The following MARCHF11 variants were observed in gnomAD, a reference collection of about 807,000 sequenced individuals.
MARCHF11 encodes the protein E3 ubiquitin-protein ligase MARCHF11.
MARCHF11 carries 29 observed loss-of-function variants against 37.3 expected under a neutral mutation model. The ratio of observed to expected loss-of-function variants is 0.78; its 90% confidence interval spans 0.58 to 1.06. The LOEUF is 1.06. MARCHF11 is among the 50% of genes least tolerant of loss of function. MARCHF11 has a pLI of 0.00. For synonymous variants in MARCHF11, 233 were observed against 228.0 expected, an observed-to-expected ratio of 1.02 and a Z score of -0.20; for missense variants, 482 against 533.4, an observed-to-expected ratio of 0.90 and a Z score of 0.95.
At position 16,179,532 on chromosome 5, in the gene MARCHF11, G is replaced by T. The variant is rs1044676633; in HGVS notation, c.44C>A (p.Ala15Glu). The T allele has an allele frequency of 5.1e-6, 6 of 1,179,976 alleles. No individual in the cohort carries two copies. The Admixed American group carries it at 2.3e-4, about 45-fold the overall frequency. 73.1% of individuals were successfully genotyped at this position (1,179,976 alleles called of 1,614,324 possible). Residue 15 changes from alanine to glutamate, a missense_variant, in exon 1 of 4, where the codon GCG becomes GAG. Physicochemically the swap from Ala to Glu is moderately radical, Grantham distance 107. Transcript: ENST00000332432. Reference protein sequence around the residue: ...GGHGGSRCRGAESGDAEPPPQ... With the variant: ...GGHGGSRCRGEESGDAEPPPQ... ...GGGAGGCTCGGCGTCCCCGCTCTCC[G>T]CCCCGCGACACCGACTGCCGCCGTG...
chr5:16,134,998 T>TCTCTCTCACA (rs137865822), intron 2 of MARCHF11, among the ~76,000 whole-genome samples: 81 of 143,800 alleles, frequency 5.6e-4, no homozygotes, highest in African/African-American at 1.7e-3. Flanking sequence ...TCTCTCTCTC[T>TCTCTCTCACA]CACACACACA....
chr5:16,126,501 C>G (rs1737409871), intron 2 of MARCHF11, among the ~76,000 whole-genome samples: 2 of 152,114 alleles, frequency 1.3e-5, no homozygotes, highest in Non-Finnish European at 2.9e-5. Flanking sequence ...CTGCAAAGCC[C>G]CGATTTAATA....
chr5:16,117,257 A>G (rs968697910), intron 2 of MARCHF11, among the ~76,000 whole-genome samples: 1 of 152,214 alleles, frequency 6.6e-6, no homozygotes, highest in Non-Finnish European at 1.5e-5. Context: ...CGATACAGAG[A>G]TAAATAAAAT....
intron 2 of MARCHF11, among the ~76,000 whole-genome samples, chr5:16,138,956 G>A (rs978966116): frequency 6.6e-6 from 1 of 152,156 alleles, no homozygotes; most frequent in Non-Finnish European, 1.5e-5. Flanking sequence ...GATTTTACAG[G>A]CTCATAGGCA....
intron 2 of MARCHF11, among the ~76,000 whole-genome samples, chr5:16,163,195 C>A (rs1328350700): frequency 7.8e-4 from 2 of 2,566 alleles, no homozygotes; most frequent in East Asian, 0.14. Context: ...GCAATAAGAA[C>A]TCCGGTTTAC....
chr5:16,171,463 C>T (rs1427525986), intron 2 of MARCHF11, among the ~76,000 whole-genome samples: 1 of 152,038 alleles, frequency 6.6e-6, no homozygotes, highest in Non-Finnish European at 1.5e-5. Context: ...AGCTCGCTAC[C>T]TGTTTTTGTG....
intron 2 of MARCHF11, among the ~76,000 whole-genome samples, chr5:16,147,810 A>G (rs990647495): frequency 5.1e-4 from 77 of 152,264 alleles, no homozygotes; most frequent in African/African-American, 1.7e-3. Context: ...ATTTGGGTCC[A>G]TTGCCTAAGT....
intron 2 of MARCHF11, among the ~76,000 whole-genome samples, chr5:16,125,889 A>C (rs1260050864): frequency 6.6e-6 from 1 of 152,176 alleles, no homozygotes; most frequent in African/African-American, 2.4e-5. Context: ...TTTTATCCAT[A>C]AGAAAGGCAC....
chr5:16,116,814 T>C (rs1442176929), intron 2 of MARCHF11, among the ~76,000 whole-genome samples: 1 of 152,204 alleles, frequency 6.6e-6, no homozygotes, highest in African/African-American at 2.4e-5. Context: ...ATGAACAGCA[T>C]CTTTATAATA....
intron 2 of MARCHF11, among the ~76,000 whole-genome samples, chr5:16,092,638 G>T (rs906776512): frequency 5.9e-5 from 9 of 152,014 alleles, no homozygotes; most frequent in African/African-American, 2.2e-4. Flanking sequence ...ATGCCTGAGG[G>T]GCTTAAAACC....
intron 2 of MARCHF11, among the ~76,000 whole-genome samples, chr5:16,103,158 G>T (rs1736987836): frequency 6.6e-6 from 1 of 150,776 alleles, no homozygotes; most frequent in African/African-American, 2.4e-5. Context: ...TCACAATACA[G>T]CTTGGTATGC....
intron 2 of MARCHF11, among the ~76,000 whole-genome samples, chr5:16,106,416 C>T (rs1056764040): frequency 6.6e-6 from 1 of 152,166 alleles, no homozygotes; most frequent in African/African-American, 2.4e-5. Context: ...TATCTGCTTC[C>T]CTGACCATAC....
At chr5:16,137,241 G>A (rs1263155690) in intron 2 of MARCHF11, among the ~76,000 whole-genome samples, 1 of 152,132 alleles carries the variant, frequency 6.6e-6, no homozygotes, top group Non-Finnish European at 1.5e-5. Flanking sequence ...ATCCCCATGT[G>A]TCATGGCAGG....
At position 16,152,957 on chromosome 5, in the gene MARCHF11, A is replaced by G. The variant is rs73044675; in HGVS notation, c.693+24769T>C. On this transcript the variant is annotated intron_variant, in intron 2 of 3. Transcript: ENST00000332432. ...AACACACACATTTTAAGAGCAATAA[A>G]TCATTCACTTCAACTTCCCTTATTG... 8.5e-3 allele frequency among the ~76,000 whole-genome samples: 1,289 copies of G among 152,110 alleles called. 24 individuals are homozygous for G. The highest frequency in any genetic ancestry group is 0.029 in the African/African-American group (1,214 of 41,542).
chr5:16,087,744 A>G (rs1736722253), intron 3 of MARCHF11, among the ~76,000 whole-genome samples: 2 of 152,206 alleles, frequency 1.3e-5, no homozygotes, highest in Admixed American at 6.5e-5. Context: ...AAATATTGGG[A>G]AAGAAGAAAC....
At chr5:16,112,813 T>C (rs905590168) in intron 2 of MARCHF11, among the ~76,000 whole-genome samples, 1 of 152,134 alleles carries the variant, frequency 6.6e-6, no homozygotes, top group Non-Finnish European at 1.5e-5. Context: ...AAGGACTTGG[T>C]GGGAGATAAC....
chr5:16,114,172 T>C (rs1737194499), intron 2 of MARCHF11, among the ~76,000 whole-genome samples: 1 of 152,238 alleles, frequency 6.6e-6, no homozygotes, highest in Non-Finnish European at 1.5e-5. Context: ...TATTCATCTG[T>C]TTACAGACAC....
intron 2 of MARCHF11, among the ~76,000 whole-genome samples, chr5:16,125,089 T>C (rs961016973): frequency 3.3e-5 from 5 of 151,526 alleles, no homozygotes; most frequent in African/African-American, 1.2e-4. Flanking sequence ...AAGAATATTT[T>C]TCAGACTCTT....
Position 16,102,305 on chromosome 5 carries a change from C to T in MARCHF11, c.694-11224G>A, listed in dbSNP as rs144213343. Among the ~76,000 whole-genome samples, 1,055 of 152,242 alleles carry T rather than the reference C, an allele frequency of 6.9e-3. 7 individuals carry two copies. Among genetic ancestry groups the T allele is most frequent in the Non-Finnish European group, 0.012 (788 of 68,010 alleles). On this transcript the variant is annotated intron_variant, in intron 2 of 3. Transcript: ENST00000332432. ...GTCACACTGTAAGATGACACTGATACGTACAGGAGGCAGGGAAATACTGGG... is the reference window on the plus strand; with the variant it reads ...GTCACACTGTAAGATGACACTGATATGTACAGGAGGCAGGGAAATACTGGG...
Sources: gnomAD v4.1 joint callset for allele counts (sites outside exome capture counted in the v4.1 genomes callset) on GRCh38, gnomAD v4.1.1 for gene constraint, MANE v1.5 for transcripts, NCBI Gene and HGNC (gene_info 2026-07-23, HGNC 2026-07-21) for gene names.